The following ABI2 variants were observed in gnomAD, a reference collection of about 807,000 sequenced individuals.
ABI2 encodes the protein abelson interactor 2.
A neutral mutation model predicts 59.2 loss-of-function variants in ABI2; 25 were observed. The ratio of observed to expected loss-of-function variants is 0.42; its 90% CI spans 0.31 to 0.59. The LOEUF (loss-of-function observed/expected upper bound fraction) is 0.59, where lower values mean the gene tolerates loss of function less well. ABI2 is among the 20% of genes least tolerant of loss of function. ABI2 has a pLI of 0.14. For missense variants in ABI2, 545 were observed against 681.8 expected, an observed-to-expected ratio of 0.80 and a Z score of 2.23; for synonymous variants, 213 against 235.5, an observed-to-expected ratio of 0.90 and a Z score of 0.87.
At chr2:203,345,530 C>T (rs1015496934) in intron 1 of ABI2, among the ~76,000 whole-genome samples, 2 of 152,134 alleles carry the variant, frequency 1.3e-5, no homozygotes, top group African/African-American at 2.4e-5. Flanking sequence ...CCTGCCTCAG[C>T]CTCCTGAGTA....
intron 2 of ABI2, among the ~76,000 whole-genome samples, chr2:203,375,245 G>GT (rs1168321144): frequency 6.6e-6 from 1 of 152,144 alleles, no homozygotes; most frequent in Admixed American, 6.5e-5. Context: ...ATCTTGGTGT[G>GT]TTTTTTGGTT....
intron 8 of ABI2, among the ~76,000 whole-genome samples, chr2:203,399,724 A>C (rs2097145344): frequency 6.6e-6 from 1 of 152,116 alleles, no homozygotes; most frequent in Non-Finnish European, 1.5e-5. Flanking sequence ...CACGTTGGCC[A>C]GGTTGGTCTT....
chr2:203,333,933 T>A (rs970421174), intron 1 of ABI2, among the ~76,000 whole-genome samples: 1 of 151,478 alleles, frequency 6.6e-6, no homozygotes, highest in African/African-American at 2.4e-5. Context: ...TTTTCTTTTC[T>A]TTTTTCTTTC....
chr2:203,370,745 A>G (rs1332279667), intron 2 of ABI2, among the ~76,000 whole-genome samples: 5 of 152,092 alleles, frequency 3.3e-5, no homozygotes, highest in Non-Finnish European at 5.9e-5. Flanking sequence ...GTTTGTAGAG[A>G]AGATTGAGTT....
chr2:203,407,219 C>A (rs2097463038), intron 9 of ABI2, among the ~76,000 whole-genome samples: 1 of 152,164 alleles, frequency 6.6e-6, no homozygotes, highest in Admixed American at 6.5e-5. Flanking sequence ...GCCACCGCAT[C>A]CAGCCTGAAT....
Position 203,396,880 on chromosome 2 carries a change from C to G in ABI2, c.946C>G (p.Pro316Ala). ...VPATVPSSTA[P>A]DAAAGGAQTL... is the part of the protein sequence containing the mutation. ...TGCTACTGTCCCTTCCTCCACTGCC[C>G]CAGACGCTGCTGCTGGGGGTGCCCA... Residue 316 changes from proline to alanine, a missense_variant, in exon 8 of 12, where the codon CCA (proline) becomes GCA (alanine). Physicochemically the swap from Pro to Ala is conservative, Grantham distance 27. Around this residue, in one of 4 missense-constraint regions of ABI2, gnomAD observed 410 missense variants for 435.6 expected, o/e 0.94. Transcript: ENST00000261018. 1 of 1,534,644 alleles carries G rather than the reference C, an allele frequency of 6.5e-7. No individual in the cohort carries two copies. Among genetic ancestry groups the G allele is most frequent in the South Asian group, 1.2e-5 (1 of 83,794 alleles).
chr2:203,383,607 T>G lies in ABI2; in HGVS notation c.480+1401T>G, dbSNP rs1362475868. On this transcript the variant is annotated intron_variant, in intron 4 of 11. Coordinates refer to ENST00000261018, the MANE Select transcript of ABI2 (RefSeq NM_001375670.1). ...CTCTAAGCCCCAGTATGATTCCTTC[T>G]TGATGTTCCTGCGTCAGGATCTGTT... Among the ~76,000 whole-genome samples, 5 of 152,316 alleles carry G rather than the reference T, an allele frequency of 3.3e-5. No homozygotes were observed. The East Asian group carries it at 9.6e-4, about 29-fold the overall frequency.
At chr2:203,378,322 A>G (rs145682580) in intron 2 of ABI2, among the ~76,000 whole-genome samples, 3,465 of 152,246 alleles carry the variant, frequency 0.023, 47 homozygotes, top group Non-Finnish European at 0.035. Context: ...CGTGTTAGCC[A>G]GGATGGTCTC....
At chr2:203,345,934 C>CT (rs2083180433) in intron 1 of ABI2, among the ~76,000 whole-genome samples, 1 of 151,784 alleles carries the variant, frequency 6.6e-6, no homozygotes, top group Non-Finnish European at 1.5e-5. Flanking sequence ...AATCCCAGCA[C>CT]TTTAGGAGGC....
At chr2:203,372,776 T>G (rs1416903609) in intron 2 of ABI2, among the ~76,000 whole-genome samples, 6 of 127,450 alleles carry the variant, frequency 4.7e-5, no homozygotes, top group East Asian at 2.4e-4. Context: ...AGGCGGAGGG[T>G]CTCCTCACTT....
At chr2:203,405,847 A>G (rs2097403232) in intron 9 of ABI2, among the ~76,000 whole-genome samples, 1 of 152,116 alleles carries the variant, frequency 6.6e-6, no homozygotes, top group East Asian at 1.9e-4. Context: ...CTGTTACTAT[A>G]TTTGTTAATG....
intron 9 of ABI2, among the ~76,000 whole-genome samples, chr2:203,406,862 C>T (rs534242993): frequency 5.3e-5 from 8 of 152,136 alleles, no homozygotes; most frequent in African/African-American, 1.4e-4. Context: ...AAGCTTTCAC[C>T]GGGTTGGCCA....
intron 1 of ABI2, among the ~76,000 whole-genome samples, chr2:203,332,933 A>G (rs1449688554): frequency 6.6e-6 from 1 of 152,182 alleles, no homozygotes; most frequent in African/African-American, 2.4e-5. Context: ...TCATCCCATA[A>G]TATGGATTTA....
At chr2:203,392,789 T>G (rs1413299799) in intron 5 of ABI2, among the ~76,000 whole-genome samples, 1 of 152,214 alleles carries the variant, frequency 6.6e-6, no homozygotes, top group Non-Finnish European at 1.5e-5. Flanking sequence ...AAACTTTGTG[T>G]TGTTTTCAAG....
At chr2:203,410,281 G>A (rs953618559) in intron 9 of ABI2, among the ~76,000 whole-genome samples, 3 of 152,152 alleles carry the variant, frequency 2.0e-5, no homozygotes, top group East Asian at 1.9e-4. Context: ...GCAGAGACAT[G>A]TTCATCTTTT....
At chr2:203,359,638 C>G (rs1279065256) in intron 1 of ABI2, among the ~76,000 whole-genome samples, 5 of 152,110 alleles carry the variant, frequency 3.3e-5, no homozygotes, top group Admixed American at 3.3e-4. Context: ...ATCAAGACGT[C>G]AGCAGATTTG....
chr2:203,372,815 T>A (rs2095368665), intron 2 of ABI2, among the ~76,000 whole-genome samples: 1 of 146,586 alleles, frequency 6.8e-6, no homozygotes, highest in East Asian at 2.1e-4. Context: ...GCAGAGACGC[T>A]CCTCACCTCC....
chr2:203,382,550 A>G (rs763939570), intron 4 of ABI2, among the ~76,000 whole-genome samples: 39 of 152,166 alleles, frequency 2.6e-4, no homozygotes, highest in Non-Finnish European at 5.4e-4. Context: ...TATGAAATAT[A>G]ATTAGCTGGA....
At chr2:203,342,337 A>G (rs946459633) in intron 1 of ABI2, 4 of 378,834 alleles carry the variant, frequency 1.1e-5, no homozygotes, top group Non-Finnish European at 2.1e-5. Flanking sequence ...ATAATATGGG[A>G]CTGTTTTTTT....
Sources: allele counts gnomAD v4.1 joint callset (sites outside exome capture counted in the v4.1 genomes callset), GRCh38; gene constraint gnomAD v4.1.1; regional missense constraint gnomAD v4.1.1; transcripts MANE v1.5; gene names NCBI Gene and HGNC (gene_info 2026-07-23, HGNC 2026-07-21).